Variants in RANBP2 observed in about 807,000 individuals in gnomAD.
RANBP2 encodes E3 SUMO-protein ligase RanBP2.
In RANBP2, 57 loss-of-function variants were observed where a neutral mutation model predicts 303.6. That is an observed-to-expected ratio of 0.19 (90% CI 0.15 to 0.23). The LOEUF (loss-of-function observed/expected upper bound fraction) is 0.23. Ranked by LOEUF, RANBP2 falls within the 10% of genes least tolerant of loss-of-function variation. The probability of loss-of-function intolerance (pLI) is 1.00; values close to 1 mark genes in which losing one functional copy is unlikely to be tolerated. For missense variants in RANBP2, 3,138 were observed against 3,780.8 expected, an observed-to-expected ratio of 0.83 and a Z score of 4.46; for synonymous variants, 1,167 against 1,301.5, an observed-to-expected ratio of 0.90 and a Z score of 2.23.
At chr2:109,602,427 G>A in the RANBP2 span, among the ~76,000 whole-genome samples, 4 of 152,258 alleles carry the variant, frequency 2.6e-5, no homozygotes, top group South Asian at 8.3e-4. Context: ...TGTAATGCCA[G>A]CACCTTGGGA....
At chr2:109,076,150 C>T in the RANBP2 span, among the ~76,000 whole-genome samples, 5 of 149,840 alleles carry the variant, frequency 3.3e-5, no homozygotes, top group African/African-American at 1.2e-4. Context: ...GCAAATAAGT[C>T]AATGTAATGC....
At chr2:109,237,285 T>C in the RANBP2 span, among the ~76,000 whole-genome samples, 1 of 152,318 alleles carries the variant, frequency 6.6e-6, no homozygotes, top group African/African-American at 2.4e-5. Flanking sequence ...TTGGAAGACA[T>C]TTATCTTTAT....
chr2:108,964,324 C>G, the RANBP2 span, among the ~76,000 whole-genome samples: 11 of 152,140 alleles, frequency 7.2e-5, no homozygotes, highest in African/African-American at 2.4e-4. Flanking sequence ...GCCAGGTCAT[C>G]TGGACTCCAG....
the RANBP2 span, among the ~76,000 whole-genome samples, chr2:109,135,106 G>A: frequency 6.6e-6 from 1 of 152,210 alleles, no homozygotes; most frequent in Admixed American, 6.5e-5. Context: ...AGGTGTCACA[G>A]TCCCATGACA....
chr2:109,626,712 T>C, the RANBP2 span, among the ~76,000 whole-genome samples: 1 of 152,150 alleles, frequency 6.6e-6, no homozygotes, highest in Non-Finnish European at 1.5e-5. Context: ...CTCAACAGGA[T>C]GCTGCTCAGA....
the RANBP2 span, among the ~76,000 whole-genome samples, chr2:109,550,310 T>TA: frequency 1.3e-5 from 2 of 150,608 alleles, no homozygotes; most frequent in Non-Finnish European, 3.0e-5. Flanking sequence ...AAAAAAAGTA[T>TA]CTTTTTTTTT....
the RANBP2 span, chr2:109,449,140 A>C: frequency 6.2e-7 from 1 of 1,603,910 alleles, no homozygotes; most frequent in Non-Finnish European, 8.5e-7. Flanking sequence ...CTAACCTTTC[A>C]ACCTGCTGTC....
chr2:109,461,187 T>C, the RANBP2 span, among the ~76,000 whole-genome samples: 2 of 152,358 alleles, frequency 1.3e-5, no homozygotes, highest in Admixed American at 6.5e-5. Flanking sequence ...AATGCTGCTG[T>C]GCACGCCCAG....
At chr2:108,777,365 A>T in intron 25 of RANBP2, 134 bp downstream of exon 25, 1 of 539,740 alleles carries the variant, frequency 1.9e-6, no homozygotes, top group Non-Finnish European at 3.1e-6. Flanking sequence ...TAGTGTTTTA[A>T]TAATGAAGGG....
At chr2:109,249,520 T>TCTTTCC in the RANBP2 span, among the ~76,000 whole-genome samples, 1 of 5,208 alleles carries the variant, frequency 1.9e-4, no homozygotes, top group Non-Finnish European at 3.5e-4. Flanking sequence ...ATTCTTTCTT[T>TCTTTCC]TTCTTTCTTT....
chr2:109,169,467 G>A, the RANBP2 span, among the ~76,000 whole-genome samples: 13 of 152,030 alleles, frequency 8.6e-5, no homozygotes, highest in African/African-American at 2.9e-4. Flanking sequence ...TTGAATTGTC[G>A]GGGAGGAAGC....
chr2:109,238,190 G>T, the RANBP2 span, among the ~76,000 whole-genome samples: 1 of 151,964 alleles, frequency 6.6e-6, no homozygotes, highest in Non-Finnish European at 1.5e-5. Flanking sequence ...ACAGAGTGAA[G>T]CCTGTCTCTT....
chr2:109,089,793 A>G, the RANBP2 span, among the ~76,000 whole-genome samples: 1 of 152,162 alleles, frequency 6.6e-6, no homozygotes, highest in Non-Finnish European at 1.5e-5. Flanking sequence ...GAACTCAGAT[A>G]AAACAAATGT....
chr2:109,532,299 A>G, the RANBP2 span, among the ~76,000 whole-genome samples: 1 of 152,224 alleles, frequency 6.6e-6, no homozygotes. Context: ...CATCAGTAAA[A>G]ACATTCACGT....
chr2:109,328,539 A>G, the RANBP2 span, among the ~76,000 whole-genome samples: 1 of 152,184 alleles, frequency 6.6e-6, no homozygotes, highest in East Asian at 1.9e-4. Flanking sequence ...AACACTTTCT[A>G]GGTGGGGCTG....
At chr2:109,077,906 TTAAAAAA>T in the RANBP2 span, among the ~76,000 whole-genome samples, 19 of 148,404 alleles carry the variant, frequency 1.3e-4, no homozygotes, top group African/African-American at 4.6e-4. Context: ...TAGAGATCCC[TTAAAAAA>T]TAAAAAATAA....
At chr2:108,783,333 TAA>T (rs71381992) in intron 28 of RANBP2, among the ~76,000 whole-genome samples, 9 of 41,426 alleles carry the variant, frequency 2.2e-4, no homozygotes, top group East Asian at 1.2e-3. Flanking sequence ...AGCCTGTCAT[TAA>T]AAAAAAAAAA....
the RANBP2 span, among the ~76,000 whole-genome samples, chr2:109,367,789 T>A: frequency 3.3e-5 from 5 of 152,244 alleles, no homozygotes; most frequent in Non-Finnish European, 7.3e-5. Flanking sequence ...TTCTGCACAC[T>A]TGATTTTTCT....
chr2:109,794,630 C>CTCGGCCCCGGCCCG, the RANBP2 span: 1 of 781,298 alleles, frequency 1.3e-6, no homozygotes, highest in African/African-American at 2.7e-5. Flanking sequence ...CGGCGGCGGC[C>CTCGGCCCCGGCCCG]GCCTCGATGG....
Sources: allele counts gnomAD v4.1 joint callset (sites outside exome capture counted in the v4.1 genomes callset), GRCh38; gene constraint gnomAD v4.1.1; transcripts MANE v1.5; gene names NCBI Gene and HGNC (gene_info 2026-07-23, HGNC 2026-07-21).